The following NBAS variants were observed in gnomAD, a reference collection of about 807,000 sequenced individuals.
NBAS encodes the protein NAG/BC035112 fusion.
In NBAS, 219 loss-of-function variants were observed where a neutral mutation model predicts 302.5. That is an observed-to-expected ratio of 0.72 (90% confidence interval 0.65 to 0.81). The LOEUF is 0.81. Ranked by LOEUF, NBAS falls within the 30% of genes least tolerant of loss-of-function variation. NBAS has a pLI of 0.00. For synonymous variants in NBAS, 1,118 were observed against 1,021.6 expected, an observed-to-expected ratio of 1.09 and a Z score of -1.80; for missense variants, 2,932 against 2,841.6, an observed-to-expected ratio of 1.03 and a Z score of -0.72.
the NBAS span, among the ~76,000 whole-genome samples, chr2:14,971,422 G>A: frequency 1.2e-3 from 187 of 152,252 alleles, no homozygotes; most frequent in African/African-American, 4.2e-3. Context: ...GGCTGAGGCA[G>A]GAGAATCACT....
chr2:15,092,102 A>G, the NBAS span, among the ~76,000 whole-genome samples: 1 of 152,206 alleles, frequency 6.6e-6, no homozygotes, highest in Admixed American at 6.5e-5. Context: ...TCACAGTAGC[A>G]CACACAGGAT....
At chr2:14,988,670 A>T in the NBAS span, among the ~76,000 whole-genome samples, 48 of 152,322 alleles carry the variant, frequency 3.2e-4, no homozygotes, top group African/African-American at 1.1e-3. Flanking sequence ...GAATAAATAC[A>T]ACTGGTAAAC....
intron 10 of NBAS, among the ~76,000 whole-genome samples, chr2:15,509,800 T>C (rs893348372): frequency 8.5e-5 from 13 of 152,218 alleles, no homozygotes; most frequent in Non-Finnish European, 1.6e-4. Flanking sequence ...AATATTTGAG[T>C]GCCCACTAGG....
chr2:15,004,205 C>T, the NBAS span, among the ~76,000 whole-genome samples: 46 of 152,236 alleles, frequency 3.0e-4, no homozygotes, highest in African/African-American at 6.5e-4. Context: ...TTTAGCACAG[C>T]GTCAGTGTTT....
the NBAS span, among the ~76,000 whole-genome samples, chr2:14,875,553 T>C: frequency 1.2e-3 from 179 of 152,166 alleles, no homozygotes; most frequent in African/African-American, 4.2e-3. Context: ...GAGGCAGAGG[T>C]TGCAGTAAGC....
the NBAS span, among the ~76,000 whole-genome samples, chr2:15,105,061 TGGG>T: frequency 6.6e-6 from 1 of 152,084 alleles, no homozygotes; most frequent in African/African-American, 2.4e-5. Flanking sequence ...ATATACATCA[TGGG>T]ATACTATGCA....
chr2:15,465,292 G>T (rs1178842559), intron 19 of NBAS, among the ~76,000 whole-genome samples: 1 of 152,152 alleles, frequency 6.6e-6, no homozygotes, highest in African/African-American at 2.4e-5. Context: ...CCTGAAATCT[G>T]CCTGCCTTTT....
the NBAS span, among the ~76,000 whole-genome samples, chr2:14,873,418 T>C: frequency 3.3e-5 from 5 of 152,260 alleles, no homozygotes; most frequent in African/African-American, 1.2e-4. Context: ...GATTTTGCCA[T>C]GTTGGCCAGG....
intron 21 of NBAS, among the ~76,000 whole-genome samples, chr2:15,444,119 C>T (rs1366737024): frequency 2.6e-5 from 4 of 151,762 alleles, no homozygotes; most frequent in Non-Finnish European, 5.9e-5. Flanking sequence ...CATCAAGCTA[C>T]CAATGACTTT....
At chr2:15,261,173 T>C (rs1400448869) in intron 44 of NBAS, among the ~76,000 whole-genome samples, 3 of 152,234 alleles carry the variant, frequency 2.0e-5, no homozygotes, top group Non-Finnish European at 4.4e-5. Flanking sequence ...GCTAATAGCC[T>C]AACAGTCATC....
the NBAS span, among the ~76,000 whole-genome samples, chr2:15,107,564 A>G: frequency 6.6e-6 from 1 of 152,120 alleles, no homozygotes; most frequent in Non-Finnish European, 1.5e-5. Context: ...TGTGGGTTCA[A>G]GGGCAGGGAC....
At chr2:15,333,301 C>A (rs1672434764) in intron 35 of NBAS, among the ~76,000 whole-genome samples, 1 of 152,052 alleles carries the variant, frequency 6.6e-6, no homozygotes, top group Admixed American at 6.6e-5. Flanking sequence ...CTCAGCAAAG[C>A]CACAGAACGC....
At position 15,400,413 on chromosome 2, in the gene NBAS, C is replaced by T. The variant is rs148248633; in HGVS notation, c.3071+1755G>A. Reference sequence around the variant, plus strand: ...ATCACACCTAGTTCCGCAGTATAAACAATATTTACGTAATCATAATGATGA... The same window carrying T: ...ATCACACCTAGTTCCGCAGTATAAATAATATTTACGTAATCATAATGATGA... On this transcript the variant is annotated intron_variant, in intron 26 of 51. Coordinates refer to ENST00000281513, the MANE Select transcript of NBAS (RefSeq NM_015909.4). 7.1e-3 allele frequency among the ~76,000 whole-genome samples: 1,084 copies of T among 152,036 alleles called. 10 individuals carry two copies. Among genetic ancestry groups the T allele is most frequent in the African/African-American group, 0.022 (922 of 41,462 alleles).
At chr2:15,495,969 A>G (rs1681051826) in intron 11 of NBAS, among the ~76,000 whole-genome samples, 1 of 152,136 alleles carries the variant, frequency 6.6e-6, no homozygotes, top group South Asian at 2.1e-4. Flanking sequence ...GAACTTGCAC[A>G]CAAATGTTCA....
the NBAS span, among the ~76,000 whole-genome samples, chr2:14,933,091 A>C: frequency 2.6e-5 from 4 of 152,200 alleles, no homozygotes; most frequent in African/African-American, 4.8e-5. Context: ...TTCTAGTATA[A>C]TCCTCTCATT....
intron 9 of NBAS, among the ~76,000 whole-genome samples, chr2:15,519,843 T>C (rs2148660207): frequency 6.6e-6 from 1 of 152,350 alleles, no homozygotes; most frequent in Middle Eastern, 3.4e-3. Context: ...TTGAATCTGT[T>C]ATATGATCTC....
intron 6 of NBAS, among the ~76,000 whole-genome samples, chr2:15,546,489 G>A (rs1162574185): frequency 6.6e-6 from 1 of 152,076 alleles, no homozygotes; most frequent in East Asian, 1.9e-4. Flanking sequence ...AGCACTTTGG[G>A]AGACCAAGGC....
At chr2:14,923,280 A>G in the NBAS span, among the ~76,000 whole-genome samples, 5 of 152,240 alleles carry the variant, frequency 3.3e-5, no homozygotes, top group African/African-American at 9.6e-5. Flanking sequence ...AAATAGGTAC[A>G]TATAACTAGT....
intron 9 of NBAS, among the ~76,000 whole-genome samples, chr2:15,529,461 C>T (rs1235860428): frequency 6.6e-6 from 1 of 152,058 alleles, no homozygotes; most frequent in Non-Finnish European, 1.5e-5. Flanking sequence ...CACTGGACTC[C>T]AGCGCGGGTG....
Sources: gnomAD v4.1 joint callset for allele counts (sites outside exome capture counted in the v4.1 genomes callset) on GRCh38, gnomAD v4.1.1 for gene constraint, MANE v1.5 for transcripts, NCBI Gene and HGNC (gene_info 2026-07-23, HGNC 2026-07-21) for gene names.